Variants in CSMD1 observed in about 807,000 individuals in gnomAD.
CSMD1 encodes CUB and sushi domain-containing protein 1.
CSMD1 carries 213 observed loss-of-function variants against 417.5 expected under a neutral mutation model. The observed-to-expected ratio is 0.51, with a 90% CI of 0.46 to 0.57. CSMD1 has a LOEUF of 0.57. CSMD1 is among the 20% of genes least tolerant of loss of function. The pLI, the probability that CSMD1 is intolerant of heterozygous loss-of-function variation, is 0.00. For synonymous variants in CSMD1, 2,862 were observed against 1,736.8 expected (o/e 1.65, Z -16.11); for missense variants, 6,923 against 4,529.7 (o/e 1.53, Z -15.17).
intron 26 of CSMD1, among the ~76,000 whole-genome samples, chr8:3,266,714 G>A (rs1004647715): frequency 2.0e-5 from 3 of 150,636 alleles, no homozygotes; most frequent in African/African-American, 7.3e-5. Flanking sequence ...GGCAGAGTTT[G>A]CAGTGAGCTG....
intron 3 of CSMD1, among the ~76,000 whole-genome samples, chr8:4,054,292 C>T (rs199686323): frequency 6.4e-4 from 2 of 3,104 alleles, no homozygotes; most frequent in African/African-American, 8.0e-4. Flanking sequence ...GATGTGGCTT[C>T]CACTTCACAT....
intron 3 of CSMD1, among the ~76,000 whole-genome samples, chr8:4,327,786 T>C (rs912555288): frequency 2.0e-5 from 3 of 152,208 alleles, no homozygotes; most frequent in African/African-American, 7.2e-5. Flanking sequence ...TAAAACCAAA[T>C]GTAACTTTTC....
Position 3,408,245 on chromosome 8 carries a change from T to C in CSMD1, c.1745-20A>G, listed in dbSNP as rs1486318658. 1 of 1,555,400 alleles carries C rather than the reference T, an allele frequency of 6.4e-7. No homozygotes were observed. Among genetic ancestry groups the C allele is most frequent in the African/African-American group, 1.4e-5 (1 of 73,610 alleles). ...ATGAAACTGTGAAGATGCAAATATA[T>C]TTTCAAACAGTTATGCACATATCCA... On this transcript the variant is annotated intron_variant, in intron 13 of 69. Coordinates refer to ENST00000635120, the MANE Select transcript of CSMD1 (RefSeq NM_033225.6).
chr8:3,442,494 G>A (rs59495626), intron 12 of CSMD1, among the ~76,000 whole-genome samples: 2 of 151,902 alleles, frequency 1.3e-5, no homozygotes, highest in Non-Finnish European at 2.9e-5. Context: ...ACATATGTTC[G>A]ATACACAAAT....
intron 25 of CSMD1, among the ~76,000 whole-genome samples, chr8:3,286,557 T>G (rs555336733): frequency 6.6e-6 from 1 of 152,288 alleles, no homozygotes; most frequent in Admixed American, 6.5e-5. Flanking sequence ...TGGTTTTGAT[T>G]TGCATTTCTC....
chr8:3,355,994 A>G (rs1462897057), intron 21 of CSMD1, among the ~76,000 whole-genome samples: 2 of 152,214 alleles, frequency 1.3e-5, no homozygotes, highest in Non-Finnish European at 2.9e-5. Flanking sequence ...AAATGAATAA[A>G]CACAAATAAT....
chr8:3,570,567 G>A (rs1210229406), intron 10 of CSMD1, among the ~76,000 whole-genome samples: 6 of 152,170 alleles, frequency 3.9e-5, no homozygotes, highest in African/African-American at 1.2e-4. Context: ...TAGAGAGGGG[G>A]CAGGAAAAAT....
intron 4 of CSMD1, among the ~76,000 whole-genome samples, chr8:4,010,809 C>G (rs982099175): frequency 1.3e-5 from 2 of 152,166 alleles, no homozygotes; most frequent in Admixed American, 1.3e-4. Context: ...CACAGTAAAA[C>G]ACCTTTGGTT....
intron 2 of CSMD1, among the ~76,000 whole-genome samples, chr8:4,438,142 G>A (rs1049206457): frequency 6.6e-6 from 1 of 152,146 alleles, no homozygotes; most frequent in Non-Finnish European, 1.5e-5. Context: ...AGAATTGAGT[G>A]TGCTTCCTGA....
intron 1 of CSMD1, among the ~76,000 whole-genome samples, chr8:4,826,164 CTTGT>C (rs1799813646): frequency 3.9e-5 from 6 of 151,984 alleles, no homozygotes; most frequent in Admixed American, 2.6e-4. Flanking sequence ...AAATCAGGAT[CTTGT>C]AGAGACATGA....
chr8:4,790,244 G>C (rs765469011), intron 1 of CSMD1, among the ~76,000 whole-genome samples: 3 of 152,008 alleles, frequency 2.0e-5, no homozygotes, highest in African/African-American at 7.2e-5. Flanking sequence ...GCCATAAAAA[G>C]AATAAAATAA....
At chr8:4,872,689 T>G (rs1295207082) in intron 1 of CSMD1, among the ~76,000 whole-genome samples, 4 of 152,056 alleles carry the variant, frequency 2.6e-5, no homozygotes, top group Non-Finnish European at 5.9e-5. Flanking sequence ...CAATACAACT[T>G]GCAAGGAACA....
At chr8:4,610,635 C>T (rs1801119043) in intron 2 of CSMD1, among the ~76,000 whole-genome samples, 2 of 152,086 alleles carry the variant, frequency 1.3e-5, no homozygotes, top group South Asian at 2.1e-4. Flanking sequence ...CTTAGAAATA[C>T]CTGATTATAA....
At chr8:3,955,642 C>T (rs188928719) in intron 5 of CSMD1, among the ~76,000 whole-genome samples, 2 of 152,262 alleles carry the variant, frequency 1.3e-5, no homozygotes, top group African/African-American at 4.8e-5. Flanking sequence ...TACCTCACTA[C>T]TTCCTCTTTC....
chr8:4,071,584 A>T (rs1799561146), intron 3 of CSMD1, among the ~76,000 whole-genome samples: 2 of 152,042 alleles, frequency 1.3e-5, no homozygotes, highest in African/African-American at 4.8e-5. Flanking sequence ...GTGTCCTATC[A>T]AGCTTGGTCT....
At chr8:3,284,517 T>C (rs1424294320) in intron 25 of CSMD1, 171 bp from the exon 26 acceptor site, 17 of 612,962 alleles carry the variant, frequency 2.8e-5, no homozygotes, top group Non-Finnish European at 5.8e-6. Flanking sequence ...CCGAAGATAA[T>C]TCAGGAGTGT....
chr8:3,476,696 T>G (rs377100310), intron 11 of CSMD1, among the ~76,000 whole-genome samples: 1 of 151,796 alleles, frequency 6.6e-6, no homozygotes, highest in East Asian at 1.9e-4. Flanking sequence ...GGCGGGCAGA[T>G]TACTTGAGGT....
intron 37 of CSMD1, 34 bp downstream of exon 37, chr8:3,181,076 A>C: frequency 7.6e-7 from 1 of 1,313,414 alleles, no homozygotes; most frequent in South Asian, 1.2e-5. Flanking sequence ...TCAGTATAAC[A>C]GTGGAAGCTG....
intron 11 of CSMD1, among the ~76,000 whole-genome samples, chr8:3,491,145 G>C (rs1358112500): frequency 2.6e-5 from 4 of 152,216 alleles, no homozygotes; most frequent in Admixed American, 1.3e-4. Flanking sequence ...TGCGGTGAGA[G>C]CGTGAGTGTC....
Sources: allele counts gnomAD v4.1 joint callset (sites outside exome capture counted in the v4.1 genomes callset), GRCh38; gene constraint gnomAD v4.1.1; transcripts MANE v1.5; gene names NCBI Gene and HGNC (gene_info 2026-07-23, HGNC 2026-07-21).